DMD: variants seen among roughly 807,000 people sequenced by gnomAD.
The protein encoded by DMD is mutant dystrophin.
DMD carries 63 observed loss-of-function variants against 330.1 expected under a neutral mutation model. The ratio of observed to expected loss-of-function variants is 0.19; its 90% CI spans 0.16 to 0.24. The LOEUF is 0.24. DMD is among the 10% of genes least tolerant of loss of function. The pLI is 1.00. For synonymous variants in DMD, 1,223 were observed against 959.8 expected (o/e 1.27, Z -5.07); for missense variants, 3,344 against 2,684.1 (o/e 1.25, Z -5.43).
intron 1 of DMD, among the ~76,000 whole-genome samples, chrX:33,148,135 A>G (rs776094162): frequency 8.9e-6 from 1 of 112,277 alleles, no homozygotes; most frequent in Non-Finnish European, 1.9e-5. Context: ...TTTGATTACC[A>G]TTTCAACTCT....
At chrX:32,743,627 C>G (rs1263618480) in intron 7 of DMD, among the ~76,000 whole-genome samples, 1 of 110,338 alleles carries the variant, frequency 9.1e-6, no homozygotes, top group Non-Finnish European at 1.9e-5. Flanking sequence ...GAAAAGTGAC[C>G]GTGGAAGGAA....
chrX:32,784,740 T>C (rs894243926), intron 7 of DMD, among the ~76,000 whole-genome samples: 1 of 111,948 alleles, frequency 8.9e-6, no homozygotes, highest in Non-Finnish European at 1.9e-5. Context: ...ATAAGAATTA[T>C]GATGCAGCCA....
At chrX:31,266,158 G>GCAAAAAAAAAAAA (rs2051051807) in intron 62 of DMD, among the ~76,000 whole-genome samples, 1 of 11,066 alleles carries the variant, frequency 9.0e-5, no homozygotes, top group Non-Finnish European at 1.4e-4. Flanking sequence ...ATCCCGAAGG[G>GCAAAAAAAAAAAA]CAAAAAAAAA....
intron 7 of DMD, among the ~76,000 whole-genome samples, chrX:32,704,547 A>T (rs2064432999): frequency 8.9e-6 from 1 of 112,169 alleles, no homozygotes; most frequent in East Asian, 2.8e-4. Context: ...TAGCATGTGT[A>T]ATTGAAAACA....
intron 34 of DMD, among the ~76,000 whole-genome samples, chrX:32,379,905 G>T (rs1310319988): frequency 2.7e-5 from 3 of 110,170 alleles, no homozygotes; most frequent in Non-Finnish European, 5.7e-5. Flanking sequence ...AGGTAATCTG[G>T]TAATGAATAA....
intron 44 of DMD, among the ~76,000 whole-genome samples, chrX:32,045,470 G>A (rs1360241572): frequency 1.8e-5 from 2 of 109,654 alleles, no homozygotes; most frequent in Non-Finnish European, 3.8e-5. Context: ...CAGAAGCTGA[G>A]TAGATGCTGG....
At chrX:31,201,656 A>G (rs770559794) in intron 67 of DMD, among the ~76,000 whole-genome samples, 2 of 111,957 alleles carry the variant, frequency 1.8e-5, no homozygotes, top group East Asian at 2.8e-4. Context: ...GCCACCGCTT[A>G]TCCTGACAAC....
chrX:33,303,046 T>C (rs2053690290), intron 1 of DMD, among the ~76,000 whole-genome samples: 1 of 111,853 alleles, frequency 8.9e-6, no homozygotes, highest in African/African-American at 3.3e-5. Flanking sequence ...TTTTCAGATT[T>C]GCTTGTTCAC....
intron 2 of DMD, among the ~76,000 whole-genome samples, chrX:32,954,431 T>C (rs999420446): frequency 8.9e-6 from 1 of 111,933 alleles, no homozygotes; most frequent in African/African-American, 3.3e-5. Flanking sequence ...ACCCTACACA[T>C]GGCCCTTGAA....
At chrX:32,441,052 G>T in intron 28 of DMD, 128 bp downstream of exon 28, 1 of 757,054 alleles carries the variant, frequency 1.3e-6, no homozygotes, top group Non-Finnish European at 1.9e-6. Flanking sequence ...CAAAGTACCA[G>T]TGCTGAGTGA....
At chrX:32,025,104 CA>C (rs1222075385) in intron 44 of DMD, among the ~76,000 whole-genome samples, 3 of 110,991 alleles carry the variant, frequency 2.7e-5, no homozygotes, top group Non-Finnish European at 3.8e-5. Flanking sequence ...TCAAGTAGAA[CA>C]GAGGCATTTA....
chrX:32,653,006 G>C (rs781679450), intron 9 of DMD, among the ~76,000 whole-genome samples: 1 of 111,079 alleles, frequency 9.0e-6, no homozygotes, highest in East Asian at 2.9e-4. Context: ...TTTTGATAGG[G>C]TTGTTTTTTT....
intron 13 of DMD, among the ~76,000 whole-genome samples, chrX:32,579,675 A>T (rs1017774915): frequency 5.3e-5 from 6 of 112,927 alleles, no homozygotes; most frequent in Non-Finnish European, 9.4e-5. Flanking sequence ...TTAATGTTAT[A>T]ATTTGATTCA....
intron 66 of DMD, among the ~76,000 whole-genome samples, chrX:31,204,352 A>C (rs945706676): frequency 1.8e-5 from 2 of 112,997 alleles, no homozygotes; most frequent in Non-Finnish European, 1.9e-5. Context: ...TGTCACTGCA[A>C]GAAGCGCAAG....
At chrX:32,592,530 G>C (rs1178805976) in intron 13 of DMD, among the ~76,000 whole-genome samples, 1 of 111,390 alleles carries the variant, frequency 9.0e-6, no homozygotes. Flanking sequence ...ACCCACCGTG[G>C]TATCCTGAGA....
At chrX:32,746,146 G>T (rs1043190346) in intron 7 of DMD, among the ~76,000 whole-genome samples, 1 of 111,703 alleles carries the variant, frequency 9.0e-6, no homozygotes, top group African/African-American at 3.3e-5. Context: ...CTGGGTAATG[G>T]AGTAAAATGT....
At position 33,072,860 on chromosome X, in the gene DMD, C is replaced by T. The variant is rs746513888; in HGVS notation, c.32-52660G>A. Reference sequence around the variant, plus strand: ...TTTGAAAACTGGGCAGCATAATTTCCATCATGCTATGTCCCTGGTTCTACT... The same window carrying T: ...TTTGAAAACTGGGCAGCATAATTTCTATCATGCTATGTCCCTGGTTCTACT... On this transcript the variant is annotated intron_variant, in intron 1 of 78. Coordinates refer to ENST00000357033, the MANE Select transcript of DMD (RefSeq NM_004006.3). 1.1e-4 allele frequency among the ~76,000 whole-genome samples: 12 copies of T among 111,543 alleles called. No homozygotes were observed. In the South Asian group the frequency reaches 4.5e-3, roughly 42 times the overall value.
intron 11 of DMD, among the ~76,000 whole-genome samples, chrX:32,627,924 T>C (rs2058459970): frequency 9.0e-6 from 1 of 110,704 alleles, no homozygotes; most frequent in Non-Finnish European, 1.9e-5. Flanking sequence ...GGGTATATAG[T>C]ATGTGTTTAT....
At chrX:33,000,561 A>T (rs922114956) in intron 2 of DMD, among the ~76,000 whole-genome samples, 9 of 111,795 alleles carry the variant, frequency 8.1e-5, no homozygotes, top group African/African-American at 2.9e-4. Context: ...ACCCCTCTAT[A>T]GCTATGCTGT....
Sources: gnomAD v4.1 joint callset for allele counts (sites outside exome capture counted in the v4.1 genomes callset) on GRCh38, gnomAD v4.1.1 for gene constraint, MANE v1.5 for transcripts, NCBI Gene and HGNC (gene_info 2026-07-23, HGNC 2026-07-21) for gene names.